Variants in TRIOBP observed in about 807,000 individuals in gnomAD.
TRIOBP encodes TRIO and F-actin binding protein, also known as TRIO and F-actin-binding protein.
In TRIOBP, 169 loss-of-function variants were observed where a neutral mutation model predicts 238.8. That is an observed-to-expected ratio of 0.71 (90% CI 0.62 to 0.80). The LOEUF (loss-of-function observed/expected upper bound fraction) is 0.80. Among genes scored for constraint, TRIOBP ranks in the 30% least tolerant of loss-of-function variants. TRIOBP has a pLI of 0.00. For synonymous variants in TRIOBP, 1,150 were observed against 1,274.4 expected (o/e 0.90, Z 2.08); for missense variants, 2,838 against 3,122.6 (o/e 0.91, Z 2.17).
intron 11 of TRIOBP, among the ~76,000 whole-genome samples, chr22:37,746,047 C>T (rs1258363633): frequency 7.1e-6 from 1 of 140,958 alleles, no homozygotes; most frequent in Non-Finnish European, 1.5e-5. Context: ...CCGCCCACCC[C>T]GCCGTCCCGC....
intron 7 of TRIOBP, among the ~76,000 whole-genome samples, chr22:37,730,584 G>A (rs1029506010): frequency 3.3e-5 from 5 of 152,160 alleles, no homozygotes; most frequent in African/African-American, 4.8e-5. Context: ...ACCCCAGTTC[G>A]GGGGAAAATT....
Position 37,741,000 on chromosome 22 carries a change from C to T in TRIOBP, c.5290C>T (p.Leu1764=). The change falls in exon 11 of 24, where the codon CTG becomes TTG. Residue 1764 remains leucine, a synonymous_variant. Transcript: ENST00000644935. The stretch of plus-strand genomic sequence containing the variant: ...CCGGCCCACGCTGTTCAATCCGTTC[C>T]TGCTGTCTCTGGGGGTCCTCAGGTG... ...GDRPTLFNPF[L]LSLGVLRWRR... is the part of the protein sequence containing the mutation. 6.4e-7 allele frequency: 1 copy of T among 1,561,044 alleles called. No individual in the cohort carries two copies. The highest frequency in any genetic ancestry group is 8.7e-7 in the Non-Finnish European group (1 of 1,152,062).
chr22:37,769,743 T>A lies in TRIOBP; in HGVS notation c.6849+368T>A, dbSNP rs564641206. On this transcript the variant is annotated intron_variant, in intron 21 of 23. Coordinates refer to ENST00000644935, the MANE Select transcript of TRIOBP (RefSeq NM_001039141.3). ...TTTCTTTCTTTTTCTTTCTTTCTTT[T>A]TTTGAGACAGAGTCTCTCTCTGTCA... Among the ~76,000 whole-genome samples the A allele has an allele frequency of 1.5e-4, 22 of 146,228 alleles. No homozygotes were observed. The South Asian group carries it at 3.4e-3, about 23-fold the overall frequency.
intron 9 of TRIOBP, among the ~76,000 whole-genome samples, chr22:37,737,072 G>A (rs1431701563): frequency 6.6e-6 from 1 of 152,210 alleles, no homozygotes; most frequent in Non-Finnish European, 1.5e-5. Flanking sequence ...GCAGGGATAA[G>A]TCAGCTCGTC....
At chr22:37,704,002 C>T (rs961093477) in intron 3 of TRIOBP, among the ~76,000 whole-genome samples, 2 of 152,154 alleles carry the variant, frequency 1.3e-5, no homozygotes, top group African/African-American at 4.8e-5. Flanking sequence ...ATTTCCCACC[C>T]GAGACCGTGG....
chr22:37,723,136 G>C, intron 6 of TRIOBP, 49 bp from the exon 7 acceptor site: 1 of 1,597,456 alleles, frequency 6.3e-7, no homozygotes, highest in Non-Finnish European at 8.6e-7. Context: ...GAATATGAGA[G>C]CTGCCTGGAC....
chr22:37,710,676 T>A, intron 4 of TRIOBP, 110 bp downstream of exon 4: 1 of 1,428,040 alleles, frequency 7.0e-7, no homozygotes. Context: ...GCTGCTGGCA[T>A]GGGTCACGTG....
Position 37,741,049 on chromosome 22 carries a change from G to A in TRIOBP, c.5322+17G>A. ...TGGCGAAGGGTAGGCTGGCTCCAGTGGGGACTGGAGGGGTGAGGGTGGATA... is the reference window on the plus strand; with the variant it reads ...TGGCGAAGGGTAGGCTGGCTCCAGTAGGGACTGGAGGGGTGAGGGTGGATA... On this transcript the variant is annotated intron_variant, in intron 11 of 23. Transcript: ENST00000644935. 1 of 1,558,628 alleles carries A rather than the reference G, an allele frequency of 6.4e-7. No individual in the cohort carries two copies. The highest frequency in any genetic ancestry group is 8.7e-7 in the Non-Finnish European group (1 of 1,150,924).
rs189599344 is a variant in TRIOBP at position 37,709,429 on chromosome 22, G to A, written c.115-998G>A. Among the ~76,000 whole-genome samples the A allele has an allele frequency of 8.7e-3, 1,332 of 152,320 alleles. 20 individuals carry two copies. Among genetic ancestry groups the A allele is most frequent in the African/African-American group, 0.031 (1,268 of 41,558 alleles). On this transcript the variant is annotated intron_variant, in intron 3 of 23. Transcript: ENST00000644935. ...ATGAGGGGCCCCTGCTCCCGAAGCC[G>A]GCCCCTCTAAGGTTTCCACTGCCTC...
At chr22:37,750,588 G>A (rs1601652572) in intron 11 of TRIOBP, 4 of 467,350 alleles carry the variant, frequency 8.6e-6, no homozygotes, top group Middle Eastern at 3.3e-4. Flanking sequence ...CGGGACAAAC[G>A]CAGCCCCAGG....
At position 37,734,391 on chromosome 22, in the gene TRIOBP, A is replaced by AT; in HGVS notation, c.4063-7dup. The AT allele has an allele frequency of 6.2e-7, 1 of 1,612,082 alleles. No homozygotes were observed. The highest frequency in any genetic ancestry group is 8.5e-7 in the Non-Finnish European group (1 of 1,179,324). On this transcript the variant is annotated splice_region_variant and splice_polypyrimidine_tract_variant and intron_variant, in intron 8 of 23. Transcript: ENST00000644935. ...AGAGCCTCACCTACCCCCTCACCTC[A>AT]TCCCCAGGTGACCATGCTCCCTGCC...
At chr22:37,765,938 G>A (rs1926472940) in intron 18 of TRIOBP, 121 bp downstream of exon 18, 1 of 1,326,924 alleles carries the variant, frequency 7.5e-7, no homozygotes, top group African/African-American at 1.5e-5. Flanking sequence ...CCACATTTGG[G>A]GTAAAGGGTC....
At chr22:37,719,837 T>C (rs2145828736) in intron 6 of TRIOBP, among the ~76,000 whole-genome samples, 1 of 152,026 alleles carries the variant, frequency 6.6e-6, no homozygotes, top group Non-Finnish European at 1.5e-5. Context: ...ACTTAGCTGC[T>C]TGGCTTTCGG....
intron 3 of TRIOBP, among the ~76,000 whole-genome samples, chr22:37,707,203 G>T (rs1417750675): frequency 6.6e-6 from 1 of 152,108 alleles, no homozygotes; most frequent in Non-Finnish European, 1.5e-5. Context: ...TTGAATCCGG[G>T]AGGCGGAGGT....
Position 37,769,146 on chromosome 22 carries a change from C to T in TRIOBP, c.6694C>T (p.Arg2232Cys), listed in dbSNP as rs201673500. 8.9e-5 allele frequency: 143 copies of T among 1,612,086 alleles called. No individual in the cohort carries two copies. Among genetic ancestry groups the T allele is most frequent in the Middle Eastern group, 6.8e-4 (4 of 5,922 alleles). The change falls in exon 20 of 24, where the codon CGC (arginine) becomes TGC (cysteine). Residue 2232 changes from arginine (R) to cysteine (C), a missense_variant. Arg to Cys is a radical substitution (Grantham distance 180, BLOSUM62 -3). Around this residue, in one of 5 missense-constraint regions of TRIOBP, gnomAD observed 2,096 missense variants for 2,137.4 expected, o/e 0.98. Transcript: ENST00000644935. The stretch of plus-strand genomic sequence containing the variant: ...TGAGGAGCGCGAGCACACGCTGCGC[C>T]GCTGCCAGCAGGAGGGCCAGGAGCT... ...QAEEREHTLR[R>C]CQQEGQELLR...
chr22:37,710,426 G>A lies in TRIOBP; in HGVS notation c.115-1G>A. 6.2e-7 allele frequency: 1 copy of A among 1,613,400 alleles called. No homozygotes were observed. The highest frequency in any genetic ancestry group is 1.7e-5 in the Admixed American group (1 of 60,022). On this transcript the variant is annotated splice_acceptor_variant, in intron 3 of 23. Transcript: ENST00000644935. LOFTEE classifies it high-confidence loss of function. ...GTCTCCTCTCTCCAACCCTGGCCCAGGAGCTCAGGAGCCCTTCAGGTGCTG... is the reference window on the plus strand; with the variant it reads ...GTCTCCTCTCTCCAACCCTGGCCCAAGAGCTCAGGAGCCCTTCAGGTGCTG...
intron 11 of TRIOBP, among the ~76,000 whole-genome samples, chr22:37,744,716 G>A (rs1925130899): frequency 6.6e-6 from 1 of 152,138 alleles, no homozygotes; most frequent in Non-Finnish European, 1.5e-5. Flanking sequence ...AGCCCGGGGT[G>A]CCAGAAGGCC....
At chr22:37,726,603 C>G in intron 7 of TRIOBP, 100 bp downstream of exon 7, 3 of 1,246,358 alleles carry the variant, frequency 2.4e-6, no homozygotes, top group Non-Finnish European at 3.2e-6. Context: ...TCAAATCCCC[C>G]TGGCTTGCCA....
chr22:37,754,713 C>A (rs1464425428), intron 12 of TRIOBP, among the ~76,000 whole-genome samples, 164 bp from the exon 13 acceptor site: 2 of 152,144 alleles, frequency 1.3e-5, no homozygotes, highest in Non-Finnish European at 2.9e-5. Flanking sequence ...ATCCATTTCA[C>A]AGATGCTACC....
Sources: gnomAD v4.1 joint callset for allele counts (sites outside exome capture counted in the v4.1 genomes callset) on GRCh38, gnomAD v4.1.1 for gene constraint, gnomAD v4.1.1 regional missense constraint, MANE v1.5 for transcripts, NCBI Gene and HGNC (gene_info 2026-07-23, HGNC 2026-07-21) for gene names.